SETBP1: variants seen among roughly 807,000 people sequenced by gnomAD.
The protein encoded by SETBP1 is SET binding protein 1, also known as SET-binding protein.
In SETBP1, 9 loss-of-function variants were observed where a neutral mutation model predicts 101.0. The ratio of observed to expected loss-of-function variants is 0.09; its 90% CI spans 0.05 to 0.16. The LOEUF is 0.16. SETBP1 is among the 10% of genes least tolerant of loss of function. The pLI is 1.00. For synonymous variants in SETBP1, 818 were observed against 788.5 expected (o/e 1.04, Z -0.63); for missense variants, 1,858 against 2,033.8 (o/e 0.91, Z 1.66).
At chr18:44,873,980 T>C (rs2069338711) in intron 3 of SETBP1, among the ~76,000 whole-genome samples, 1 of 152,204 alleles carries the variant, frequency 6.6e-6, no homozygotes, top group South Asian at 2.1e-4. Context: ...TAGCAACCTG[T>C]TGGCAAAGTC....
At chr18:44,738,546 G>A (rs551883964) in intron 2 of SETBP1, among the ~76,000 whole-genome samples, 1 of 152,276 alleles carries the variant, frequency 6.6e-6, no homozygotes, top group South Asian at 2.1e-4. Context: ...GGCCGAGGCA[G>A]GCAGATCACC....
At chr18:44,896,931 C>A (rs1034677015) in intron 3 of SETBP1, among the ~76,000 whole-genome samples, 1 of 152,122 alleles carries the variant, frequency 6.6e-6, no homozygotes, top group African/African-American at 2.4e-5. Flanking sequence ...TCAATCCACC[C>A]AACTGTACCA....
At position 44,951,778 on chromosome 18, in the gene SETBP1, C is replaced by T. The variant is rs1301252174; in HGVS notation, c.2438C>T (p.Ala813Val). Residue 813 changes from alanine to valine, a missense_variant, in exon 4 of 6, where the codon GCT becomes GTT. Coordinates refer to ENST00000649279, the MANE Select transcript of SETBP1 (RefSeq NM_015559.3). The surrounding 1 kb of genome is among the most constrained non-coding windows in gnomAD (Gnocchi z 7.8). ...ATGCCAAATCTCCAGCCCATCAGTG[C>T]TCTTCCAACCAAAACCCAAAAGGGA... is the stretch of plus-strand genomic sequence containing the variant. Reference protein sequence around the residue: ...KTMPNLQPISALPTKTQKGIH... With the variant: ...KTMPNLQPISVLPTKTQKGIH... The T allele has an allele frequency of 1.2e-6, 2 of 1,614,096 alleles. No homozygotes were observed. The highest frequency in any genetic ancestry group is 1.7e-5 in the Admixed American group (1 of 60,016).
intron 3 of SETBP1, among the ~76,000 whole-genome samples, chr18:44,895,358 A>T (rs2069876807): frequency 6.6e-6 from 1 of 151,532 alleles, no homozygotes; most frequent in South Asian, 2.1e-4. Context: ...AAAAACCATG[A>T]GTTCACATCA....
intron 4 of SETBP1, among the ~76,000 whole-genome samples, chr18:45,007,458 C>T (rs1317994236): frequency 1.3e-5 from 2 of 151,956 alleles, no homozygotes; most frequent in Non-Finnish European, 2.9e-5. Context: ...TGAAAATTTA[C>T]AGGGGCTCCC....
At chr18:44,903,050 G>A (rs1162409276) in intron 3 of SETBP1, among the ~76,000 whole-genome samples, 1 of 151,944 alleles carries the variant, frequency 6.6e-6, no homozygotes, top group Non-Finnish European at 1.5e-5. Flanking sequence ...TTGAAAGGTC[G>A]ATTGCAGGAA....
In SETBP1 at chr18:44,787,871, AAAAAAAAAAG is replaced by A. The variant is rs1425955989; in HGVS notation, c.487-81354_487-81345del. On this transcript the variant is annotated intron_variant, in intron 2 of 5. Transcript: ENST00000649279. ...GCGAGAGTCCGTCTCAAAAAAAAAA[AAAAAAAAAAG>A]AAAATTGTTCTCTAAGGAAAAAAAG... 7.5e-3 allele frequency among the ~76,000 whole-genome samples: 979 copies of A among 130,122 alleles called. 42 individuals carry two copies. The highest frequency in any genetic ancestry group is 0.026 in the African/African-American group (913 of 34,902). 85.4% of individuals were successfully genotyped at this position (130,122 alleles called of 152,430 possible).
At chr18:44,827,465 A>C (rs1188611889) in intron 2 of SETBP1, among the ~76,000 whole-genome samples, 1 of 152,204 alleles carries the variant, frequency 6.6e-6, no homozygotes, top group Admixed American at 6.5e-5. Flanking sequence ...TATTGAGCTG[A>C]CATGTCAGAC....
intron 5 of SETBP1, among the ~76,000 whole-genome samples, chr18:45,052,114 G>T (rs1303083397): frequency 2.0e-5 from 3 of 152,336 alleles, no homozygotes; most frequent in African/African-American, 7.2e-5. Context: ...GCACAAACTG[G>T]GCCTGAATCA....
At chr18:44,696,860 A>G (rs7233689) in intron 1 of SETBP1, among the ~76,000 whole-genome samples, 3,127 of 152,310 alleles carry the variant, frequency 0.021, 94 homozygotes, top group African/African-American at 0.071. Context: ...TTGGACTCCT[A>G]TCTCAGTATT....
chr18:44,978,305 C>T (rs538895298), intron 4 of SETBP1, among the ~76,000 whole-genome samples: 3 of 151,932 alleles, frequency 2.0e-5, no homozygotes, highest in Non-Finnish European at 2.9e-5. Context: ...TTTTTTATTC[C>T]GACTGCAGAG....
chr18:44,712,953 CTTTTTTTTTT>C (rs11323504), intron 2 of SETBP1, among the ~76,000 whole-genome samples: 6 of 64,898 alleles, frequency 9.2e-5, no homozygotes, highest in African/African-American at 3.1e-4. Flanking sequence ...CAGCATCCCT[CTTTTTTTTTT>C]TTTTTTTTTT....
intron 2 of SETBP1, among the ~76,000 whole-genome samples, chr18:44,774,258 G>A (rs1013602240): frequency 5.9e-5 from 9 of 152,148 alleles, no homozygotes; most frequent in Non-Finnish European, 1.3e-4. Context: ...AGTGAGGGGC[G>A]AAGCCATAGA....
intron 2 of SETBP1, among the ~76,000 whole-genome samples, chr18:44,780,357 A>G (rs2071100824): frequency 2.0e-5 from 3 of 152,182 alleles, no homozygotes; most frequent in Admixed American, 6.5e-5. Flanking sequence ...TTTTGGAGCT[A>G]TCATTTCTGT....
At chr18:44,922,682 G>A (rs544727022) in intron 3 of SETBP1, among the ~76,000 whole-genome samples, 2 of 152,194 alleles carry the variant, frequency 1.3e-5, no homozygotes, top group African/African-American at 4.8e-5. Flanking sequence ...TAATGACAGA[G>A]TTTTTCTTGC....
intron 1 of SETBP1, among the ~76,000 whole-genome samples, chr18:44,688,426 G>T (rs1328828344): frequency 4.6e-5 from 7 of 151,834 alleles, no homozygotes; most frequent in Non-Finnish European, 8.8e-5. Flanking sequence ...CTGTACAGTT[G>T]TTGGTGTCTC....
intron 4 of SETBP1, among the ~76,000 whole-genome samples, chr18:44,996,201 A>G (rs1376007431): frequency 2.0e-5 from 3 of 152,206 alleles, no homozygotes; most frequent in East Asian, 1.9e-4. Context: ...CAGAGAATAC[A>G]TGTTTCAATG....
chr18:44,846,346 G>A (rs1017345940), intron 2 of SETBP1, among the ~76,000 whole-genome samples: 1 of 152,102 alleles, frequency 6.6e-6, no homozygotes, highest in African/African-American at 2.4e-5. Context: ...TTACAAAGTT[G>A]TGCAACCATC....
Position 44,971,916 on chromosome 18 carries a change from A to G in SETBP1, c.4000+18576A>G, listed in dbSNP as rs1205028129. 2.0e-5 allele frequency among the ~76,000 whole-genome samples: 3 copies of G among 151,666 alleles called. No homozygotes were observed. The Middle Eastern group carries it at 9.5e-3, about 480-fold the overall frequency. Reference sequence around the variant, plus strand: ...TTTGTCAATTTTGGCTTTTGTTGCCATTGCTTTTGGTGTTTTAGACATGAA... The same window carrying G: ...TTTGTCAATTTTGGCTTTTGTTGCCGTTGCTTTTGGTGTTTTAGACATGAA... On this transcript the variant is annotated intron_variant, in intron 4 of 5. Transcript: ENST00000649279.
Sources: gnomAD v4.1 joint callset for allele counts (sites outside exome capture counted in the v4.1 genomes callset) on GRCh38, gnomAD v4.1.1 for gene constraint, Gnocchi (gnomAD v3.1) non-coding constraint, MANE v1.5 for transcripts, NCBI Gene and HGNC (gene_info 2026-07-23, HGNC 2026-07-21) for gene names.